The following IGFBP5 variants were observed in gnomAD, a reference collection of about 807,000 sequenced individuals.
IGFBP5 encodes the protein insulin-like growth factor-binding protein 5.
In IGFBP5, 12 loss-of-function variants were observed where a neutral mutation model predicts 28.0. The observed-to-expected ratio is 0.43, with a 90% CI of 0.27 to 0.69. The LOEUF (loss-of-function observed/expected upper bound fraction) is 0.69. Among genes scored for constraint, IGFBP5 ranks in the 30% least tolerant of loss-of-function variants. The pLI is 0.20. For missense variants in IGFBP5, 344 were observed against 381.6 expected, an observed-to-expected ratio of 0.90 and a Z score of 0.82; for synonymous variants, 152 against 150.2, an observed-to-expected ratio of 1.01 and a Z score of -0.09.
rs1688903110 is a variant in IGFBP5 at position 216,676,693 on chromosome 2, TGGCTGGAGTCGG to T, written c.*46_*57del. 8 of 1,004,988 alleles carry T rather than the reference TGGCTGGAGTCGG, an allele frequency of 8.0e-6. No homozygotes were observed. The Admixed American group carries it at 1.9e-4, about 24-fold the overall frequency. 62.3% of individuals were successfully genotyped at this position (1,004,988 alleles called of 1,614,324 possible). Reference sequence around the variant, plus strand: ...GGCGTCCTGGGGTGGAGGGAGGCGCTGGCTGGAGTCGGGGCTGGGGGTGGGAGGGGGTGAGGG... The same window carrying T: ...GGCGTCCTGGGGTGGAGGGAGGCGCTGGCTGGGGGTGGGAGGGGGTGAGGG... On this transcript the variant is annotated 3_prime_UTR_variant, in exon 4 of 4. Coordinates refer to ENST00000233813, the MANE Select transcript of IGFBP5 (RefSeq NM_000599.4).
At chr2:216,681,044 G>T (rs1426602462) in intron 1 of IGFBP5, among the ~76,000 whole-genome samples, 1 of 152,180 alleles carries the variant, frequency 6.6e-6, no homozygotes, top group African/African-American at 2.4e-5. Context: ...AGATTGGCAG[G>T]AGGAAGGGAG....
At position 216,694,598 on chromosome 2, in the gene IGFBP5, C is replaced by A. The variant is rs1689144747; in HGVS notation, c.178G>T (p.Ala60Ser). The change falls in exon 1 of 4, where the codon GCC becomes TCC. Residue 60 changes from alanine (A) to serine (S), a missense_variant. Physicochemically the swap from Ala to Ser is moderately conservative, Grantham distance 99 (BLOSUM62 1). Coordinates refer to ENST00000233813, the MANE Select transcript of IGFBP5 (RefSeq NM_000599.4). The surrounding 1 kb of genome is among the most constrained non-coding windows in gnomAD (Gnocchi z 5.2). Reference protein sequence around the residue: ...EPGCGCCMTCALAEGQSCGVY... With the variant: ...EPGCGCCMTCSLAEGQSCGVY... ...CCGCACGACTGCCCCTCGGCCAGGG[C>A]GCAGGTCATGCAGCAGCCGCAGCCC... is the stretch of plus-strand genomic sequence containing the variant. The A allele has an allele frequency of 1.3e-6, 2 of 1,546,910 alleles. No homozygotes were observed. Among genetic ancestry groups the A allele is most frequent in the African/African-American group, 1.4e-5 (1 of 72,690 alleles).
chr2:216,676,982 C>A, intron 3 of IGFBP5, 100 bp from the exon 4 acceptor site: 1 of 1,355,500 alleles, frequency 7.4e-7, no homozygotes, highest in Non-Finnish European at 1.0e-6. Flanking sequence ...GACTCTCATC[C>A]CCAGAGAGTT....
chr2:216,694,656 G>C lies in IGFBP5; in HGVS notation c.120C>G (p.Pro40=), dbSNP rs930571753. 1 of 1,524,634 alleles carries C rather than the reference G, an allele frequency of 6.6e-7. No individual in the cohort carries two copies. Among genetic ancestry groups the C allele is most frequent in the Admixed American group, 2.1e-5 (1 of 47,634 alleles). 94.4% of individuals were successfully genotyped at this position (1,524,634 alleles called of 1,614,324 possible). A position where few individuals can be genotyped will look rare whatever the true frequency, so the allele number is the denominator to read the frequency against. ...CDEKALSMCP[P]SPLGCELVKE... is the part of the protein sequence containing the mutation. ...TGACCAGCTCGCAGCCCAGGGGGCT[G>C]GGGGGGCACATGGAGAGGGCTTTCT... The change falls in exon 1 of 4, where the codon CCC becomes CCG. Residue 40 remains proline (P), a synonymous_variant. Coordinates refer to ENST00000233813, the MANE Select transcript of IGFBP5 (RefSeq NM_000599.4). This position sits in a 1 kb window ranked among gnomAD's most constrained non-coding sequence, Gnocchi z 5.2.
At chr2:216,693,739 TAA>T (rs959114397) in intron 1 of IGFBP5, among the ~76,000 whole-genome samples, 3 of 150,172 alleles carry the variant, frequency 2.0e-5, no homozygotes, top group African/African-American at 7.3e-5. Context: ...TGGGATAAAA[TAA>T]AAGTCATTTT....
chr2:216,688,249 T>G (rs978937799), intron 1 of IGFBP5, among the ~76,000 whole-genome samples: 1 of 152,204 alleles, frequency 6.6e-6, no homozygotes, highest in Non-Finnish European at 1.5e-5. Flanking sequence ...GTAAATTTTA[T>G]GAAATCTAAA....
chr2:216,688,722 C>A (rs549257659), intron 1 of IGFBP5, among the ~76,000 whole-genome samples: 58 of 152,014 alleles, frequency 3.8e-4, no homozygotes, highest in Non-Finnish European at 7.6e-4. Context: ...GGGAAAGGGG[C>A]CTGATGGTTT....
At chr2:216,684,017 A>G (rs781330407) in intron 1 of IGFBP5, among the ~76,000 whole-genome samples, 29 of 152,194 alleles carry the variant, frequency 1.9e-4, no homozygotes, top group Non-Finnish European at 3.4e-4. Context: ...CCATGGTAAC[A>G]TGAACACGTG....
In IGFBP5 at chr2:216,673,675, C is replaced by T. The variant is rs1688862518; in HGVS notation, c.*3076G>A. 1 of 152,370 alleles carries T rather than the reference C, an allele frequency of 6.6e-6. No individual in the cohort carries two copies. Among genetic ancestry groups the T allele is most frequent in the Admixed American group, 6.5e-5 (1 of 15,280 alleles). The allele number at this position is 152,370 out of a possible 1,614,324, so 9.4% of individuals were successfully genotyped here. On this transcript the variant is annotated 3_prime_UTR_variant, in exon 4 of 4. Transcript: ENST00000233813. The surrounding 1 kb of genome is among the most constrained non-coding windows in gnomAD (Gnocchi z 4.3). ...AGCAGACAGTCGGCCAAAGGCCAGCCTGGAGTCAAAGAGACCAGACCCCTG... is the reference window on the plus strand; with the variant it reads ...AGCAGACAGTCGGCCAAAGGCCAGCTTGGAGTCAAAGAGACCAGACCCCTG...
intron 1 of IGFBP5, among the ~76,000 whole-genome samples, chr2:216,682,775 C>A (rs1688991056): frequency 6.6e-6 from 1 of 151,480 alleles, no homozygotes; most frequent in Non-Finnish European, 1.5e-5. Flanking sequence ...GTGGCGCGAT[C>A]TCGGCTCACT....
At chr2:216,693,480 G>A (rs918205756) in intron 1 of IGFBP5, among the ~76,000 whole-genome samples, 1 of 151,810 alleles carries the variant, frequency 6.6e-6, no homozygotes, top group Non-Finnish European at 1.5e-5. Context: ...ATTGCGGGGC[G>A]GGGGTGGAGG....
Position 216,694,854 on chromosome 2 carries a change from C to T in IGFBP5, c.-79G>A, listed in dbSNP as rs11575123. ...GGGATAAAGGGGCCAAGAGGGCCCC[C>T]GGAGATTTTTTTGTTTTTGTTTTTG... On this transcript the variant is annotated 5_prime_UTR_variant, in exon 1 of 4. Transcript: ENST00000233813. This position sits in a 1 kb window ranked among gnomAD's most constrained non-coding sequence, Gnocchi z 5.2. 5 of 1,012,590 alleles carry T rather than the reference C, an allele frequency of 4.9e-6. No homozygotes were observed. Among genetic ancestry groups the T allele is most frequent in the Non-Finnish European group, 1.3e-6 (1 of 776,278 alleles). The allele number at this position is 1,012,590 out of a possible 1,614,324, so 62.7% of individuals were successfully genotyped here.
rs779562387 is a variant in IGFBP5, at chr2:216,676,531, G to C, written c.*220C>G. The C allele has an allele frequency of 1.7e-4, 58 of 338,136 alleles. No homozygotes were observed. The highest frequency in any genetic ancestry group is 2.8e-4 in the Non-Finnish European group (51 of 183,418). The allele number at this position is 338,136 out of a possible 1,614,324, so 20.9% of individuals were successfully genotyped here. A position where few individuals can be genotyped will look rare whatever the true frequency, so the allele number is the denominator to read the frequency against. ...GCCTCAAAAAGAAAACCATTTAAAG[G>C]GGGGGGGTGTCTTTTTAGCTTTTTG... On this transcript the variant is annotated 3_prime_UTR_variant, in exon 4 of 4. Transcript: ENST00000233813.
chr2:216,682,592 C>CCT (rs1225998292), intron 1 of IGFBP5, among the ~76,000 whole-genome samples: 1 of 152,150 alleles, frequency 6.6e-6, no homozygotes, highest in African/African-American at 2.4e-5. Context: ...CAAAAGAACT[C>CCT]AACAGTCTGC....
chr2:216,694,713 C>T lies in IGFBP5; in HGVS notation c.63G>A (p.Leu21=), dbSNP rs202117764. 1 of 1,484,914 alleles carries T rather than the reference C, an allele frequency of 6.7e-7. No individual in the cohort carries two copies. The allele number at this position is 1,484,914 out of a possible 1,614,324, so 92.0% of individuals were successfully genotyped here. A position where few individuals can be genotyped will look rare whatever the true frequency, so the allele number is the denominator to read the frequency against. The change falls in exon 1 of 4, where the codon CTG becomes CTA. Residue 21 remains leucine (L), a synonymous_variant. Transcript: ENST00000233813. This position sits in a 1 kb window ranked among gnomAD's most constrained non-coding sequence, Gnocchi z 5.2. ...AGGGCTCGCAGTGCACGAAGGAGCC[C>T]AGGCTCTGGGCCGGCCCCGCATAGG... The part of the protein sequence containing the change: ...LAAYAGPAQS[L]GSFVHCEPCD...
In IGFBP5 at chr2:216,673,569, CCTT is replaced by C. The variant is rs1688861488; in HGVS notation, c.*3179_*3181del. 6.6e-6 allele frequency: 1 copy of C among 152,454 alleles called. No individual in the cohort carries two copies. Among genetic ancestry groups the C allele is most frequent in the African/African-American group, 2.4e-5 (1 of 41,540 alleles). The allele number at this position is 152,454 out of a possible 1,614,324, so 9.4% of individuals were successfully genotyped here. ...CACGAATCTAAAGGGGATGGGAAGA[CCTT>C]CTGTGGGTGTGAGCATGGGAGTGGG... On this transcript the variant is annotated 3_prime_UTR_variant, in exon 4 of 4. Transcript: ENST00000233813. The surrounding 1 kb of genome is among the most constrained non-coding windows in gnomAD (Gnocchi z 4.3).
Position 216,678,997 on chromosome 2 carries a change from T to C in IGFBP5, c.420A>G (p.Lys140=), listed in dbSNP as rs1192446388. 3 of 1,614,070 alleles carry C rather than the reference T, an allele frequency of 1.9e-6. No individual in the cohort carries two copies. Among genetic ancestry groups the C allele is most frequent in the East Asian group, 4.5e-5 (2 of 44,850 alleles). Residue 140 remains lysine, a synonymous_variant, in exon 2 of 4, where the codon AAA becomes AAG. Transcript: ENST00000233813. ...ETYSPKIFRP[K]HTRISELKAE... is the part of the protein sequence containing the mutation. ...CCTTCAGCTCGGAGATGCGGGTGTG[T>C]TTGGGCCGGAAGATCTTGGGGGAGT...
At chr2:216,686,866 C>T (rs1689039797) in intron 1 of IGFBP5, among the ~76,000 whole-genome samples, 1 of 151,806 alleles carries the variant, frequency 6.6e-6, no homozygotes, top group Non-Finnish European at 1.5e-5. Flanking sequence ...ATCCACCCAC[C>T]TCAGCCTCCC....
In IGFBP5 at chr2:216,676,798, C is replaced by T; in HGVS notation, c.772G>A (p.Asp258Asn). Reference sequence around the variant, plus strand: ...AAGGTGTGGCACTGAAAGTCCCCGTCAACGTACTCCATGCCTGGCAGCTTC... The same window carrying T: ...AAGGTGTGGCACTGAAAGTCCCCGTTAACGTACTCCATGCCTGGCAGCTTC... ...GMKLPGMEYV[D>N]GDFQCHTFDS... is the part of the protein sequence containing the mutation. The change falls in exon 4 of 4, where the codon GAC becomes AAC. Residue 258 changes from aspartate to asparagine, a missense_variant. Around this residue, in one of 3 missense-constraint regions of IGFBP5, gnomAD observed 36 missense variants for 34.1 expected, o/e 1.06. Coordinates refer to ENST00000233813, the MANE Select transcript of IGFBP5 (RefSeq NM_000599.4). 4 of 1,613,980 alleles carry T rather than the reference C, an allele frequency of 2.5e-6. No individual in the cohort carries two copies. Among genetic ancestry groups the T allele is most frequent in the Non-Finnish European group, 3.4e-6 (4 of 1,179,924 alleles).
Sources: gnomAD v4.1 joint callset for allele counts (sites outside exome capture counted in the v4.1 genomes callset) on GRCh38, gnomAD v4.1.1 for gene constraint, gnomAD v4.1.1 regional missense constraint, Gnocchi (gnomAD v3.1) non-coding constraint, MANE v1.5 for transcripts, NCBI Gene and HGNC (gene_info 2026-07-23, HGNC 2026-07-21) for gene names.